The following SLC2A14 variants were observed in gnomAD, a reference collection of about 807,000 sequenced individuals.
SLC2A14 encodes the protein solute carrier family 2, facilitated glucose transporter member 14.
Under a neutral mutation model 43.0 loss-of-function variants are expected in SLC2A14, and 13 were observed. The observed-to-expected ratio is 0.30, with a 90% CI of 0.20 to 0.48. The LOEUF is 0.48. Among genes scored for constraint, SLC2A14 ranks in the 20% least tolerant of loss-of-function variants. The pLI, the probability that SLC2A14 is intolerant of heterozygous loss-of-function variation, is 0.99. For synonymous variants in SLC2A14, 190 were observed against 233.8 expected, an observed-to-expected ratio of 0.81 and a Z score of 1.71; for missense variants, 428 against 620.4, an observed-to-expected ratio of 0.69 and a Z score of 3.29.
chr12:7,876,295 A>AAG (rs1243161728), upstream of SLC2A14, among the ~76,000 whole-genome samples: 1 of 150,288 alleles, frequency 6.7e-6, no homozygotes, highest in East Asian at 1.9e-4. Flanking sequence ...AAAAAAAAAA[A>AAG]AAAAAAAAAG....
intron 1 of SLC2A14, among the ~76,000 whole-genome samples, chr12:7,882,419 T>C (rs192761485): frequency 6.6e-6 from 1 of 152,198 alleles, no homozygotes; most frequent in Admixed American, 6.5e-5. Context: ...ACCGCGAGGG[T>C]CCATGGCTTC....
chr12:7,819,443 C>A, intron 9 of SLC2A14, 39 bp downstream of exon 9: 1 of 1,609,448 alleles, frequency 6.2e-7, no homozygotes, highest in Non-Finnish European at 8.5e-7. Context: ...AACCTCTCTT[C>A]TTTCCCCCTC....
chr12:7,828,234 G>A (rs908312482), intron 6 of SLC2A14, among the ~76,000 whole-genome samples: 21 of 152,040 alleles, frequency 1.4e-4, no homozygotes, highest in African/African-American at 3.4e-4. Flanking sequence ...GTGGTGTCGC[G>A]CGCACCTGTA....
intron 2 of SLC2A14, among the ~76,000 whole-genome samples, chr12:7,867,314 C>T (rs1361535330): frequency 4.9e-5 from 7 of 142,644 alleles, no homozygotes; most frequent in Non-Finnish European, 9.1e-5. Context: ...AAAAAACATT[C>T]GTGATTCATG....
chr12:7,818,044 G>A lies in SLC2A14; in HGVS notation c.1072-10C>T, dbSNP rs1354579009. On this transcript the variant is annotated splice_polypyrimidine_tract_variant and intron_variant, in intron 9 of 10. Coordinates refer to ENST00000431042, the MANE Select transcript of SLC2A14 (RefSeq NM_001286234.2). ...TCCCATTATAGTGATTCTGTAAGAG[G>A]AAGGAACACAGAAGATTAAATTTAA... 6.2e-6 allele frequency: 10 copies of A among 1,611,368 alleles called. No homozygotes were observed. Among genetic ancestry groups the A allele is most frequent in the Non-Finnish European group, 8.5e-6 (10 of 1,178,600 alleles).
At chr12:7,870,057 G>A (rs1378533490) in intron 1 of SLC2A14, 120 bp from the exon 2 acceptor site, 2 of 534,742 alleles carry the variant, frequency 3.7e-6, no homozygotes, top group African/African-American at 3.8e-5. Flanking sequence ...TGGAAGAAAA[G>A]TGAAAATTTA....
intron 7 of SLC2A14, among the ~76,000 whole-genome samples, chr12:7,826,861 T>TCTTTTC (rs1555121667): frequency 6.6e-5 from 4 of 60,268 alleles, no homozygotes; most frequent in South Asian, 6.4e-4. Context: ...TTCCTTTCTT[T>TCTTTTC]TTTCTTTCTT....
At chr12:7,841,218 C>G (rs1304559362) in intron 2 of SLC2A14, among the ~76,000 whole-genome samples, 2 of 152,116 alleles carry the variant, frequency 1.3e-5, no homozygotes, top group African/African-American at 4.8e-5. Context: ...ACCCCTAATA[C>G]TAACATTTGC....
chr12:7,824,121 T>C (rs1864152571), intron 7 of SLC2A14, among the ~76,000 whole-genome samples: 1 of 151,904 alleles, frequency 6.6e-6, no homozygotes, highest in Non-Finnish European at 1.5e-5. Flanking sequence ...CCGGGTGTGG[T>C]GGCAGGTGCC....
At chr12:7,890,196 T>C (rs1419159020) in intron 1 of SLC2A14, among the ~76,000 whole-genome samples, 6 of 152,048 alleles carry the variant, frequency 3.9e-5, no homozygotes. Context: ...GATGGAGTCG[T>C]TCTGGTTCAC....
upstream of SLC2A14, among the ~76,000 whole-genome samples, chr12:7,877,075 C>T (rs1945476754): frequency 6.6e-6 from 1 of 150,792 alleles, no homozygotes; most frequent in African/African-American, 2.4e-5. Context: ...ACAATCTCCG[C>T]TCACTGCAAC....
chr12:7,840,133 G>A (rs1370090621), intron 2 of SLC2A14, among the ~76,000 whole-genome samples: 3 of 140,540 alleles, frequency 2.1e-5, no homozygotes, highest in Non-Finnish European at 4.6e-5. Flanking sequence ...AAAAAAGTGC[G>A]GTGGGGGGAC....
chr12:7,872,885 GC>G lies in SLC2A14; in HGVS notation c.-137del. 1 of 985,616 alleles carries G rather than the reference GC, an allele frequency of 1.0e-6. No homozygotes were observed. Among genetic ancestry groups the G allele is most frequent in the Non-Finnish European group, 1.2e-6 (1 of 830,126 alleles). 61.1% of individuals were successfully genotyped at this position (985,616 alleles called of 1,614,324 possible). A position where few individuals can be genotyped will look rare whatever the true frequency, so the allele number is the denominator to read the frequency against. Reference sequence around the variant, plus strand: ...CTCCCGGGCCGCTGCGCCCCCGCCGGCCCCGCCTGCAGCCGTTGGGACCCAC... The same window carrying G: ...CTCCCGGGCCGCTGCGCCCCCGCCGGCCCGCCTGCAGCCGTTGGGACCCAC... On this transcript the variant is annotated 5_prime_UTR_variant, in exon 1 of 11. Transcript: ENST00000431042.
intron 10 of SLC2A14, among the ~76,000 whole-genome samples, chr12:7,817,065 C>T (rs1863513120): frequency 6.6e-6 from 1 of 152,066 alleles, no homozygotes; most frequent in Non-Finnish European, 1.5e-5. Flanking sequence ...TATTTTTAGA[C>T]TGCAGGTAAC....
rs758596840 is a variant in SLC2A14, at chr12:7,832,000, C to A, written c.112-236G>T. Among the ~76,000 whole-genome samples the A allele has an allele frequency of 6.6e-5, 10 of 152,288 alleles. 1 individual carries two copies. The South Asian group carries it at 1.9e-3, about 28-fold the overall frequency. On this transcript the variant is annotated intron_variant, in intron 3 of 10. Coordinates refer to ENST00000431042, the MANE Select transcript of SLC2A14 (RefSeq NM_001286234.2). ...GCGCATGCCTGTAATCCCAGCTACT[C>A]GGGAGGCTGAGGTAGGAGAATCGCT...
intron 8 of SLC2A14, among the ~76,000 whole-genome samples, chr12:7,820,428 G>A (rs1355255050): frequency 3.3e-5 from 5 of 152,150 alleles, no homozygotes; most frequent in Non-Finnish European, 7.3e-5. Context: ...ACTGGCATCA[G>A]GAGTTGGGGG....
chr12:7,837,805 T>A (rs536854331), intron 2 of SLC2A14, among the ~76,000 whole-genome samples: 7 of 152,010 alleles, frequency 4.6e-5, no homozygotes, highest in Non-Finnish European at 8.8e-5. Context: ...TTGTCCAGGC[T>A]AGAGTGCAGT....
At chr12:7,842,097 C>G (rs1250995524) in intron 2 of SLC2A14, among the ~76,000 whole-genome samples, 1 of 151,822 alleles carries the variant, frequency 6.6e-6, no homozygotes, top group East Asian at 1.9e-4. Context: ...TGTCTTTTTG[C>G]ATAGTTTTGC....
chr12:7,867,232 T>C (rs1944963665), intron 2 of SLC2A14, among the ~76,000 whole-genome samples: 1 of 133,066 alleles, frequency 7.5e-6, no homozygotes, highest in African/African-American at 2.9e-5. Flanking sequence ...TGAGCGGAGA[T>C]CTCGTGCCAC....
Sources: gnomAD v4.1 joint callset for allele counts (sites outside exome capture counted in the v4.1 genomes callset) on GRCh38, gnomAD v4.1.1 for gene constraint, MANE v1.5 for transcripts, NCBI Gene and HGNC (gene_info 2026-07-23, HGNC 2026-07-21) for gene names.